Variants in RBMS3 observed in about 807,000 individuals in gnomAD.
RBMS3 encodes the protein RNA-binding motif, single-stranded-interacting protein 3.
Under a neutral mutation model 66.8 loss-of-function variants are expected in RBMS3, and 27 were observed. The observed-to-expected ratio is 0.40, with a 90% CI of 0.30 to 0.56. RBMS3 has a LOEUF of 0.56. Ranked by LOEUF, RBMS3 falls within the 20% of genes least tolerant of loss-of-function variation. The probability of loss-of-function intolerance (pLI) is 0.40; values close to 1 mark genes in which losing one functional copy is unlikely to be tolerated. For missense variants in RBMS3, 513 were observed against 549.5 expected (o/e 0.93, Z 0.66); for synonymous variants, 188 against 183.0 (o/e 1.03, Z -0.22).
At chr3:29,535,580 AC>A (rs2045521550) in intron 3 of RBMS3, among the ~76,000 whole-genome samples, 1 of 151,922 alleles carries the variant, frequency 6.6e-6, no homozygotes, top group African/African-American at 2.4e-5. Context: ...GTTTGACAAA[AC>A]CTAGTCTACA....
intron 8 of RBMS3, among the ~76,000 whole-genome samples, chr3:29,891,319 A>C (rs930497463): frequency 2.0e-5 from 3 of 151,646 alleles, no homozygotes; most frequent in Admixed American, 6.6e-5. Flanking sequence ...ATCTGCCTGA[A>C]TCTATCCAAG....
chr3:29,301,031 T>A (rs1472177764), intron 1 of RBMS3, among the ~76,000 whole-genome samples: 1 of 151,940 alleles, frequency 6.6e-6, no homozygotes, highest in Non-Finnish European at 1.5e-5. Context: ...AAATGGAGTC[T>A]GTGATGACTC....
intron 5 of RBMS3, among the ~76,000 whole-genome samples, chr3:29,759,807 C>G (rs560606095): frequency 1.3e-5 from 2 of 152,112 alleles, no homozygotes; most frequent in South Asian, 4.2e-4. Flanking sequence ...CTTGGCAGCT[C>G]CTATATTGCC....
At chr3:29,698,192 C>T in intron 4 of RBMS3, 15 of 982,724 alleles carry the variant, frequency 1.5e-5, no homozygotes, top group Non-Finnish European at 1.8e-5. Flanking sequence ...CTATTTATAG[C>T]CACAGGACTT....
At chr3:29,886,645 T>C (rs371727370) in intron 8 of RBMS3, among the ~76,000 whole-genome samples, 3 of 151,844 alleles carry the variant, frequency 2.0e-5, no homozygotes, top group African/African-American at 7.2e-5. Flanking sequence ...AGTTTTTTTG[T>C]TGTCAGATTT....
At chr3:29,823,898 T>C (rs1395867231) in intron 6 of RBMS3, among the ~76,000 whole-genome samples, 1 of 152,196 alleles carries the variant, frequency 6.6e-6, no homozygotes, top group East Asian at 1.9e-4. Context: ...GAAAGTTTTC[T>C]ACCAGAGGGG....
intron 4 of RBMS3, among the ~76,000 whole-genome samples, chr3:29,654,825 T>C (rs2050271533): frequency 1.3e-5 from 2 of 151,212 alleles, no homozygotes; most frequent in Admixed American, 6.6e-5. Flanking sequence ...CTCAAACTCC[T>C]GGGCTCAAGC....
At chr3:29,786,336 A>G (rs1485330746) in intron 6 of RBMS3, among the ~76,000 whole-genome samples, 1 of 151,940 alleles carries the variant, frequency 6.6e-6, no homozygotes, top group Non-Finnish European at 1.5e-5. Flanking sequence ...CAGAAAAAAA[A>G]TAAAAAAATC....
chr3:29,673,843 A>G (rs1313729187), intron 4 of RBMS3, among the ~76,000 whole-genome samples: 1 of 152,212 alleles, frequency 6.6e-6, no homozygotes, highest in Admixed American at 6.5e-5. Flanking sequence ...AGCTGGTACC[A>G]TTCGTTCTGA....
chr3:29,355,710 A>G (rs958990489), intron 1 of RBMS3, among the ~76,000 whole-genome samples: 1 of 152,170 alleles, frequency 6.6e-6, no homozygotes, highest in African/African-American at 2.4e-5. Flanking sequence ...CTTCATTTCC[A>G]AAATGAGGGG....
rs200380287 is a variant in RBMS3, at chr3:29,359,260, C to T, written c.76-75483C>T. ...TATTGAGAGGTTTTAGCATGAAGGGCTGTTGAATTTTGTCAAAGGCCTTTT... is the reference window on the plus strand; with the variant it reads ...TATTGAGAGGTTTTAGCATGAAGGGTTGTTGAATTTTGTCAAAGGCCTTTT... On this transcript the variant is annotated intron_variant, in intron 1 of 14. Coordinates refer to ENST00000383767, the MANE Select transcript of RBMS3 (RefSeq NM_001003793.3). Among the ~76,000 whole-genome samples, 10 of 152,170 alleles carry T rather than the reference C, an allele frequency of 6.6e-5. 1 individual carries two copies. The highest frequency in any genetic ancestry group is 4.2e-4 in the South Asian group (2 of 4,816).
intron 4 of RBMS3, among the ~76,000 whole-genome samples, chr3:29,722,016 G>A (rs1334344110): frequency 2.0e-5 from 3 of 152,176 alleles, no homozygotes; most frequent in Non-Finnish European, 4.4e-5. Flanking sequence ...ATTAGGAGAA[G>A]CAGATGCTGA....
At chr3:29,672,871 C>T (rs2149248246) in intron 4 of RBMS3, among the ~76,000 whole-genome samples, 1 of 152,266 alleles carries the variant, frequency 6.6e-6, no homozygotes, top group South Asian at 2.1e-4. Flanking sequence ...GACAGATCAA[C>T]AAGACAGAAA....
chr3:29,638,140 C>T (rs997656295), intron 4 of RBMS3, among the ~76,000 whole-genome samples: 1 of 151,884 alleles, frequency 6.6e-6, no homozygotes, highest in African/African-American at 2.4e-5. Flanking sequence ...GAAGACACGT[C>T]CCCCTATCCC....
chr3:29,853,293 A>ACCCC (rs1161885525), intron 6 of RBMS3, among the ~76,000 whole-genome samples: 1 of 152,152 alleles, frequency 6.6e-6, no homozygotes, highest in East Asian at 1.9e-4. Flanking sequence ...CTGCACATGT[A>ACCCC]CCCCTGACCT....
intron 6 of RBMS3, among the ~76,000 whole-genome samples, chr3:29,803,609 C>T (rs1421231774): frequency 6.6e-6 from 1 of 151,810 alleles, no homozygotes; most frequent in Non-Finnish European, 1.5e-5. Flanking sequence ...TATCAACACA[C>T]ATTTTATATA....
chr3:29,977,920 A>G (rs1194401482), intron 12 of RBMS3, among the ~76,000 whole-genome samples: 1 of 151,820 alleles, frequency 6.6e-6, no homozygotes, highest in African/African-American at 2.4e-5. Context: ...AAAAAAAAAA[A>G]GCTTAAGAAT....
At chr3:29,669,565 A>C (rs923414506) in intron 4 of RBMS3, among the ~76,000 whole-genome samples, 20 of 152,216 alleles carry the variant, frequency 1.3e-4, no homozygotes, top group African/African-American at 4.8e-4. Context: ...AAGATCCGCA[A>C]AATGAAGTCC....
chr3:29,526,542 AAAAAAAAAAAAAAAAAAAAAAAAAAG>A lies in RBMS3; in HGVS notation c.307+38044_307+38069del, dbSNP rs1298476089. On this transcript the variant is annotated intron_variant, in intron 3 of 14. Transcript: ENST00000383767. ...TCTCAAAAAAAAAAAAAAAAAAAAAAAAAAAAAAAAAAAAAAAAAAAAAAAGTTTGAGAAGCAGTGATCTGGCCCAC... is the reference window on the plus strand; with the variant it reads ...TCTCAAAAAAAAAAAAAAAAAAAAAATTTGAGAAGCAGTGATCTGGCCCAC... Among the ~76,000 whole-genome samples the A allele has an allele frequency of 4.0e-3, 477 of 119,820 alleles. 8 individuals are homozygous for A. The highest frequency in any genetic ancestry group is 0.015 in the African/African-American group (463 of 31,592). The allele number at this position is 119,820 out of a possible 152,430, so 78.6% of individuals were successfully genotyped here.
Sources: gnomAD v4.1 joint callset for allele counts (sites outside exome capture counted in the v4.1 genomes callset) on GRCh38, gnomAD v4.1.1 for gene constraint, MANE v1.5 for transcripts, NCBI Gene and HGNC (gene_info 2026-07-23, HGNC 2026-07-21) for gene names.